Variants in AOAH observed in about 807,000 individuals in gnomAD.
AOAH encodes the protein acyloxyacyl hydrolase (neutrophil).
A neutral mutation model predicts 92.2 loss-of-function variants in AOAH; 64 were observed. The ratio of observed to expected loss-of-function variants is 0.69; its 90% CI spans 0.57 to 0.86. The LOEUF is 0.86. AOAH is among the 40% of genes least tolerant of loss of function. The pLI, the probability that AOAH is intolerant of heterozygous loss-of-function variation, is 0.00. For missense variants in AOAH, 656 were observed against 694.6 expected (o/e 0.94, Z 0.62); for synonymous variants, 263 against 254.5 (o/e 1.03, Z -0.32).
intron 7 of AOAH, among the ~76,000 whole-genome samples, chr7:36,622,657 G>A (rs1256452156): frequency 6.6e-6 from 1 of 152,198 alleles, no homozygotes; most frequent in Non-Finnish European, 1.5e-5. Context: ...TAGCCCCCAT[G>A]GAGACTTCCA....
intron 2 of AOAH, among the ~76,000 whole-genome samples, chr7:36,681,736 G>A (rs1796657110): frequency 6.6e-6 from 1 of 152,140 alleles, no homozygotes; most frequent in Non-Finnish European, 1.5e-5. Context: ...AGGAGGCAGA[G>A]GTTGCAGTGA....
intron 20 of AOAH, among the ~76,000 whole-genome samples, chr7:36,517,228 C>CTTTT (rs200489121): frequency 1.3e-4 from 7 of 54,774 alleles, no homozygotes; most frequent in East Asian, 5.2e-4. Flanking sequence ...TTCTTTCTGT[C>CTTTT]TCTCTCTCTC....
At chr7:36,621,321 T>A (rs759163743) in intron 8 of AOAH, among the ~76,000 whole-genome samples, 1 of 152,220 alleles carries the variant, frequency 6.6e-6, no homozygotes, top group Non-Finnish European at 1.5e-5. Context: ...TTCTCCTTAC[T>A]CCCGGAGGGA....
intron 20 of AOAH, among the ~76,000 whole-genome samples, chr7:36,515,131 C>T (rs375636383): frequency 1.4e-5 from 2 of 145,460 alleles, no homozygotes; most frequent in East Asian, 2.1e-4. Flanking sequence ...CACACCCCCA[C>T]ACACACACCA....
chr7:36,672,115 C>T (rs1795974399), intron 3 of AOAH, among the ~76,000 whole-genome samples: 1 of 152,088 alleles, frequency 6.6e-6, no homozygotes, highest in African/African-American at 2.4e-5. Context: ...CCCTGCCTTC[C>T]AAACACAGCC....
chr7:36,656,184 T>A (rs1202422146), intron 4 of AOAH, among the ~76,000 whole-genome samples: 1 of 152,106 alleles, frequency 6.6e-6, no homozygotes, highest in Non-Finnish European at 1.5e-5. Context: ...AGGAGCTACA[T>A]CAAAAGATGA....
chr7:36,710,666 C>T lies in AOAH; in HGVS notation c.127+13356G>A, dbSNP rs186056424. Reference sequence around the variant, plus strand: ...ATCACGGAGCAATAGAAAGCTAATACACTGTGCAATCTTCCTTTATAAATT... The same window carrying T: ...ATCACGGAGCAATAGAAAGCTAATATACTGTGCAATCTTCCTTTATAAATT... On this transcript the variant is annotated intron_variant, in intron 1 of 20. Coordinates refer to ENST00000617537, the MANE Select transcript of AOAH (RefSeq NM_001637.4). Among the ~76,000 whole-genome samples, 17 of 152,320 alleles carry T rather than the reference C, an allele frequency of 1.1e-4. No individual in the cohort carries two copies. In the East Asian group the frequency reaches 2.5e-3, roughly 22 times the overall value.
At chr7:36,514,437 A>G in intron 20 of AOAH, 1 of 1,448,300 alleles carries the variant, frequency 6.9e-7, no homozygotes, top group Admixed American at 2.0e-5. Flanking sequence ...AATACACAGC[A>G]GGCTCGACTC....
intron 7 of AOAH, among the ~76,000 whole-genome samples, chr7:36,622,119 C>T (rs1010655804): frequency 3.3e-5 from 5 of 151,728 alleles, no homozygotes; most frequent in Admixed American, 6.6e-5. Flanking sequence ...TATGGGGGCA[C>T]GTGTATATGC....
At chr7:36,577,799 C>T (rs1788628555) in intron 12 of AOAH, among the ~76,000 whole-genome samples, 1 of 152,150 alleles carries the variant, frequency 6.6e-6, no homozygotes, top group Non-Finnish European at 1.5e-5. Context: ...AAAATAATAA[C>T]TTAGCTCAAA....
At chr7:36,546,027 A>C (rs1289630738) in intron 15 of AOAH, among the ~76,000 whole-genome samples, 1 of 152,252 alleles carries the variant, frequency 6.6e-6, no homozygotes, top group Non-Finnish European at 1.5e-5. Context: ...AAGCTGAGTT[A>C]GCCTAAATCA....
At chr7:36,519,783 G>A (rs138879623) in intron 20 of AOAH, among the ~76,000 whole-genome samples, 42 of 152,288 alleles carry the variant, frequency 2.8e-4, no homozygotes, top group African/African-American at 8.4e-4. Context: ...ATGCTCTGTG[G>A]TGTTCTGTAC....
intron 16 of AOAH, among the ~76,000 whole-genome samples, chr7:36,533,528 G>T (rs560467965): frequency 1.3e-5 from 2 of 152,116 alleles, no homozygotes; most frequent in East Asian, 3.9e-4. Context: ...TCTGTCTTCT[G>T]TACAGGCTTC....
At chr7:36,720,960 C>T (rs905771420) in intron 1 of AOAH, among the ~76,000 whole-genome samples, 1 of 152,108 alleles carries the variant, frequency 6.6e-6, no homozygotes, top group African/African-American at 2.4e-5. Flanking sequence ...ATCAACAATT[C>T]CTTCTCTTTT....
At chr7:36,559,271 C>G (rs1242409662) in intron 13 of AOAH, among the ~76,000 whole-genome samples, 1 of 152,224 alleles carries the variant, frequency 6.6e-6, no homozygotes, top group Non-Finnish European at 1.5e-5. Flanking sequence ...TACCCAGTAA[C>G]AGGATTGCTG....
intron 3 of AOAH, among the ~76,000 whole-genome samples, chr7:36,670,294 A>T (rs1180098988): frequency 6.6e-6 from 1 of 152,206 alleles, no homozygotes; most frequent in African/African-American, 2.4e-5. Flanking sequence ...TGATGGCTTA[A>T]AACAAGCTGT....
chr7:36,576,041 T>C (rs148071457), intron 13 of AOAH, among the ~76,000 whole-genome samples: 70 of 152,340 alleles, frequency 4.6e-4, no homozygotes, highest in Admixed American at 7.2e-4. Context: ...AAAACATTCC[T>C]TGGCAATTCA....
intron 13 of AOAH, among the ~76,000 whole-genome samples, chr7:36,569,777 A>G (rs949674308): frequency 6.6e-6 from 1 of 151,674 alleles, no homozygotes; most frequent in Non-Finnish European, 1.5e-5. Flanking sequence ...TGCCTGGCTA[A>G]TTTTTTTTAT....
chr7:36,613,798 G>C (rs552400370), intron 11 of AOAH, among the ~76,000 whole-genome samples: 4 of 152,298 alleles, frequency 2.6e-5, no homozygotes, highest in Admixed American at 2.6e-4. Context: ...TTATTGTTGA[G>C]AACCTGAAGT....
Sources: gnomAD v4.1 joint callset for allele counts (sites outside exome capture counted in the v4.1 genomes callset) on GRCh38, gnomAD v4.1.1 for gene constraint, MANE v1.5 for transcripts, NCBI Gene and HGNC (gene_info 2026-07-23, HGNC 2026-07-21) for gene names.